The following RAB3IP variants were observed in gnomAD, a reference collection of about 807,000 sequenced individuals.
The protein encoded by RAB3IP is RAB3A interacting protein.
A neutral mutation model predicts 59.1 loss-of-function variants in RAB3IP; 36 were observed. The observed-to-expected ratio is 0.61, with a 90% confidence interval of 0.47 to 0.80. RAB3IP has a LOEUF of 0.80. Ranked by LOEUF, RAB3IP falls within the 30% of genes least tolerant of loss-of-function variation. The pLI is 0.00. For synonymous variants in RAB3IP, 207 were observed against 191.2 expected (o/e 1.08, Z -0.68); for missense variants, 511 against 536.0 (o/e 0.95, Z 0.46).
At position 69,809,685 on chromosome 12, in the gene RAB3IP, A is replaced by G. The variant is rs180719389; in HGVS notation, c.1131-3093A>G. On this transcript the variant is annotated intron_variant, in intron 8 of 10. Coordinates refer to ENST00000247833, the MANE Select transcript of RAB3IP (RefSeq NM_022456.5). ...TCACTGATACCCTTTCTTCCAGTTG[A>G]TTGCATCGGTTACTGAGGCTTGTGC... Among the ~76,000 whole-genome samples, 776 of 152,212 alleles carry G rather than the reference A, an allele frequency of 5.1e-3. 7 individuals carry two copies. Among genetic ancestry groups the G allele is most frequent in the African/African-American group, 0.018 (743 of 41,524 alleles).
intron 8 of RAB3IP, among the ~76,000 whole-genome samples, chr12:69,801,952 G>A (rs1451874048): frequency 3.5e-5 from 5 of 144,686 alleles, no homozygotes; most frequent in African/African-American, 7.6e-5. Flanking sequence ...AAAAGTAATC[G>A]TGCTTGTTGC....
chr12:69,764,656 CT>C (rs780020081), intron 3 of RAB3IP, among the ~76,000 whole-genome samples: 469 of 143,168 alleles, frequency 3.3e-3, no homozygotes, highest in Middle Eastern at 3.6e-3. Flanking sequence ...TTTTTAAATA[CT>C]TTTTTTTTTT....
At chr12:69,741,587 G>A (rs1592417060) in intron 1 of RAB3IP, among the ~76,000 whole-genome samples, 2 of 152,190 alleles carry the variant, frequency 1.3e-5, no homozygotes, top group Admixed American at 6.5e-5. Flanking sequence ...CGAAGTCCTG[G>A]TGTAAGCTTT....
intron 3 of RAB3IP, among the ~76,000 whole-genome samples, chr12:69,780,023 T>C (rs1271777488): frequency 6.6e-6 from 1 of 152,202 alleles, no homozygotes; most frequent in African/African-American, 2.4e-5. Context: ...TTGTCAAGCC[T>C]GTGACTGCTG....
In RAB3IP at chr12:69,772,102, T is replaced by G. The variant is rs144437052; in HGVS notation, c.511-12618T>G. Among the ~76,000 whole-genome samples the G allele has an allele frequency of 2.4e-3, 373 of 152,350 alleles. 2 individuals carry two copies. Among genetic ancestry groups the G allele is most frequent in the African/African-American group, 8.6e-3 (357 of 41,578 alleles). ...TTATGTCTATTAATATTTGCTCCAA[T>G]GTAAGGTGCATATATATTTACAATT... On this transcript the variant is annotated intron_variant, in intron 3 of 10. Coordinates refer to ENST00000247833, the MANE Select transcript of RAB3IP (RefSeq NM_022456.5).
intron 1 of RAB3IP, chr12:69,739,825 A>T: frequency 6.2e-7 from 1 of 1,614,104 alleles, no homozygotes; most frequent in Non-Finnish European, 8.5e-7. Flanking sequence ...AAGTCGCAGC[A>T]TGTGAAGAGT....
chr12:69,796,508 C>T, intron 6 of RAB3IP: 1 of 441,814 alleles, frequency 2.3e-6, no homozygotes, highest in Non-Finnish European at 4.0e-6. Context: ...AATTCAAGTC[C>T]ATCATTAATC....
intron 1 of RAB3IP, among the ~76,000 whole-genome samples, chr12:69,750,910 T>C (rs1207121731): frequency 6.6e-6 from 1 of 152,208 alleles, no homozygotes; most frequent in African/African-American, 2.4e-5. Flanking sequence ...TTTTACCTTA[T>C]GGTTTTAATA....
intron 4 of RAB3IP, among the ~76,000 whole-genome samples, chr12:69,785,451 A>G (rs1477535183): frequency 6.6e-6 from 1 of 152,170 alleles, no homozygotes; most frequent in Non-Finnish European, 1.5e-5. Context: ...GCTGTTATGG[A>G]GGCTGGCAAG....
chr12:69,791,341 C>T (rs982308610), intron 4 of RAB3IP, among the ~76,000 whole-genome samples: 1 of 152,024 alleles, frequency 6.6e-6, no homozygotes, highest in African/African-American at 2.4e-5. Context: ...AGTGGGAGTA[C>T]ATCAAACTAA....
chr12:69,809,394 C>T (rs1475713300), intron 8 of RAB3IP, among the ~76,000 whole-genome samples: 1 of 152,050 alleles, frequency 6.6e-6, no homozygotes. Flanking sequence ...TTGCTCTGCT[C>T]GAGGAGTATC....
At chr12:69,813,113 AAT>A (rs397850691) in intron 10 of RAB3IP, 80 bp downstream of exon 10, 4 of 917,056 alleles carry the variant, frequency 4.4e-6, no homozygotes, top group Non-Finnish European at 6.8e-6. Flanking sequence ...AAAAGTATAG[AAT>A]AGTAGTAATG....
At chr12:69,754,677 G>A (rs1218374840) in intron 1 of RAB3IP, among the ~76,000 whole-genome samples, 1 of 152,126 alleles carries the variant, frequency 6.6e-6, no homozygotes. Flanking sequence ...TAACGCATTC[G>A]TTAATTAGCT....
chr12:69,782,807 T>C (rs75499505), intron 3 of RAB3IP, among the ~76,000 whole-genome samples: 1,885 of 152,198 alleles, frequency 0.012, 44 homozygotes, highest in African/African-American at 0.041. Flanking sequence ...TCCAGTTTTT[T>C]TGTTTTGTTT....
intron 6 of RAB3IP, among the ~76,000 whole-genome samples, chr12:69,797,676 C>T (rs1362031234): frequency 6.6e-6 from 1 of 151,502 alleles, no homozygotes; most frequent in Non-Finnish European, 1.5e-5. Flanking sequence ...CTACCCCATC[C>T]CCCCACCCCA....
In RAB3IP at chr12:69,738,944, T is replaced by C. The variant is rs915152983; in HGVS notation, c.-113T>C. 1.3e-5 allele frequency: 2 copies of C among 152,064 alleles called. No individual in the cohort carries two copies. The highest frequency in any genetic ancestry group is 1.3e-4 in the Admixed American group (2 of 15,262). 9.4% of individuals were successfully genotyped at this position (152,064 alleles called of 1,614,324 possible). On this transcript the variant is annotated 5_prime_UTR_variant, in exon 1 of 11. Coordinates refer to ENST00000247833, the MANE Select transcript of RAB3IP (RefSeq NM_022456.5). ...GTGTAGCGGAAAGGGCTCGCCGTCCTCCTCCGTTTCTCGCTGCTTCGGGAC... is the reference window on the plus strand; with the variant it reads ...GTGTAGCGGAAAGGGCTCGCCGTCCCCCTCCGTTTCTCGCTGCTTCGGGAC...
chr12:69,795,320 G>A lies in RAB3IP; in HGVS notation c.864G>A (p.Gln288=), dbSNP rs746523621. Reference sequence around the variant, plus strand: ...GTCATCAGGACCTCAGTGTGATACAGCCAATTGTAAAAGACTGCAAAGAGG... The same window carrying A: ...GTCATCAGGACCTCAGTGTGATACAACCAATTGTAAAAGACTGCAAAGAGG... ...SGSHQDLSVI[Q]PIVKDCKEAD... is the part of the protein sequence containing the mutation. The change falls in exon 6 of 11, where the codon CAG becomes CAA. Residue 288 remains glutamine (Q), a synonymous_variant. Transcript: ENST00000247833. The A allele has an allele frequency of 2.5e-6, 4 of 1,613,702 alleles. No homozygotes were observed. The highest frequency in any genetic ancestry group is 3.4e-6 in the Non-Finnish European group (4 of 1,179,776).
intron 2 of RAB3IP, 133 bp downstream of exon 2, chr12:69,755,792 T>C: frequency 1.4e-6 from 1 of 711,104 alleles, no homozygotes; most frequent in East Asian, 2.7e-5. Context: ...ATACATGACC[T>C]GATAATGTTC....
chr12:69,816,637 C>A lies in RAB3IP; in HGVS notation c.*1191C>A, dbSNP rs1049717810. 1.3e-5 allele frequency: 2 copies of A among 152,256 alleles called. No individual in the cohort carries two copies. The highest frequency in any genetic ancestry group is 3.9e-4 in the East Asian group (2 of 5,186). 9.4% of individuals were successfully genotyped at this position (152,256 alleles called of 1,614,324 possible). A position where few individuals can be genotyped will look rare whatever the true frequency, so the allele number is the denominator to read the frequency against. On this transcript the variant is annotated 3_prime_UTR_variant, in exon 11 of 11. Coordinates refer to ENST00000247833, the MANE Select transcript of RAB3IP (RefSeq NM_022456.5). ...GACGAGTATCCTTATCTGTACACTTCTGAACATTGTGGAGTTCTTTCATGT... is the reference window on the plus strand; with the variant it reads ...GACGAGTATCCTTATCTGTACACTTATGAACATTGTGGAGTTCTTTCATGT...
Sources: gnomAD v4.1 joint callset for allele counts (sites outside exome capture counted in the v4.1 genomes callset) on GRCh38, gnomAD v4.1.1 for gene constraint, MANE v1.5 for transcripts, NCBI Gene and HGNC (gene_info 2026-07-23, HGNC 2026-07-21) for gene names.